Variants in OTX1 observed in about 807,000 individuals in gnomAD.
The protein encoded by OTX1 is homeobox protein OTX1.
In OTX1, 7 loss-of-function variants were observed where a neutral mutation model predicts 26.7. That is an observed-to-expected ratio of 0.26 (90% CI 0.15 to 0.49). The LOEUF (loss-of-function observed/expected upper bound fraction) is 0.49, where lower values mean the gene tolerates loss of function less well. OTX1 is among the 20% of genes least tolerant of loss of function. The pLI is 0.98. For missense variants in OTX1, 414 were observed against 483.8 expected (o/e 0.86, Z 1.35); for synonymous variants, 216 against 212.8 (o/e 1.01, Z -0.13).
chr2:63,055,481 C>T lies in OTX1; in HGVS notation c.250-20C>T, dbSNP rs755773986. On this transcript the variant is annotated intron_variant, in intron 4 of 4. Transcript: ENST00000282549. The surrounding 1 kb of genome is among the most constrained non-coding windows in gnomAD (Gnocchi z 5.2). ...CCCTAGCTCCCTTTGACCCACTCTC[C>T]CCCATCCGGCCCACTGCAGGTCTGG... The T allele has an allele frequency of 6.2e-7, 1 of 1,604,002 alleles. No individual in the cohort carries two copies. Among genetic ancestry groups the T allele is most frequent in the Admixed American group, 1.7e-5 (1 of 59,526 alleles).
chr2:63,055,495 C>T lies in OTX1; in HGVS notation c.250-6C>T, dbSNP rs779576981. 5.6e-6 allele frequency: 9 copies of T among 1,611,382 alleles called. No homozygotes were observed. In the African/African-American group the frequency reaches 1.2e-4, roughly 22 times the overall value. ...GACCCACTCTCCCCCATCCGGCCCACTGCAGGTCTGGTTCAAGAACCGCCG... is the reference window on the plus strand; with the variant it reads ...GACCCACTCTCCCCCATCCGGCCCATTGCAGGTCTGGTTCAAGAACCGCCG... On this transcript the variant is annotated splice_polypyrimidine_tract_variant and splice_region_variant and intron_variant, in intron 4 of 4. Coordinates refer to ENST00000282549, the MANE Select transcript of OTX1 (RefSeq NM_014562.4). The surrounding 1 kb of genome is among the most constrained non-coding windows in gnomAD (Gnocchi z 5.2).
Position 63,056,379 on chromosome 2 carries a change from T to C in OTX1, c.*63T>C. On this transcript the variant is annotated 3_prime_UTR_variant, in exon 5 of 5. Coordinates refer to ENST00000282549, the MANE Select transcript of OTX1 (RefSeq NM_014562.4). Reference sequence around the variant, plus strand: ...GCGCCCTCCGTGGTCCCGATCCTGTTGCTGCTGCTGCACCGCCCGCCTTTG... The same window carrying C: ...GCGCCCTCCGTGGTCCCGATCCTGTCGCTGCTGCTGCACCGCCCGCCTTTG... 10 of 1,397,176 alleles carry C rather than the reference T, an allele frequency of 7.2e-6. No homozygotes were observed. The highest frequency in any genetic ancestry group is 9.9e-6 in the Non-Finnish European group (10 of 1,009,226). 86.5% of individuals were successfully genotyped at this position (1,397,176 alleles called of 1,614,324 possible).
chr2:63,056,203 G>T lies in OTX1; in HGVS notation c.952G>T (p.Asp318Tyr). 6.2e-7 allele frequency: 1 copy of T among 1,614,044 alleles called. No individual in the cohort carries two copies. Among genetic ancestry groups the T allele is most frequent in the Non-Finnish European group, 8.5e-7 (1 of 1,180,014 alleles). Residue 318 changes from aspartate to tyrosine, a missense_variant, in exon 5 of 5, where the codon GAT becomes TAT. Around this residue, in one of 3 missense-constraint regions of OTX1, gnomAD observed 320 missense variants for 347.9 expected, o/e 0.92. Transcript: ENST00000282549. ...TGCCTTCAACTCTGCCGACTGCTTG[G>T]ATTACAAGGAGCCTGGCGCCGCTGC... ...GLAFNSADCL[D>Y]YKEPGAAAAS...
At chr2:63,050,721 C>T (rs926037191), upstream of OTX1, 3 of 152,112 alleles carry the variant, frequency 2.0e-5, no homozygotes, top group Admixed American at 1.3e-4. Flanking sequence ...CTCGCGCAGC[C>T]ATTGCCCGGC....
rs1037646662 is a variant in OTX1, at chr2:63,055,406, G to C, written c.250-95G>C. The C allele has an allele frequency of 6.0e-6, 8 of 1,336,990 alleles. No individual in the cohort carries two copies. In the African/African-American group the frequency reaches 7.3e-5, roughly 12 times the overall value. The allele number at this position is 1,336,990 out of a possible 1,614,324, so 82.8% of individuals were successfully genotyped here. A position where few individuals can be genotyped will look rare whatever the true frequency, so the allele number is the denominator to read the frequency against. Reference sequence around the variant, plus strand: ...GGAGGCCTCGGTGAGAAAGGATTGCGATATTCTGGACCGGGAGTTGGGTCC... The same window carrying C: ...GGAGGCCTCGGTGAGAAAGGATTGCCATATTCTGGACCGGGAGTTGGGTCC... On this transcript the variant is annotated intron_variant, in intron 4 of 4. Transcript: ENST00000282549. This position sits in a 1 kb window ranked among gnomAD's most constrained non-coding sequence, Gnocchi z 5.2.
rs2062047325 is a variant in OTX1, at chr2:63,054,165, G to A, written c.216G>A (p.Ala72=). ...YPDIFMREEV[A]LKINLPESRV... is the part of the protein sequence containing the mutation. ...ACATCTTCATGCGGGAGGAGGTGGC[G>A]CTCAAGATCAACCTGCCGGAGTCTA... is the stretch of plus-strand genomic sequence containing the variant. Residue 72 remains alanine (A), a synonymous_variant, in exon 4 of 5, where the codon GCG becomes GCA. Coordinates refer to ENST00000282549, the MANE Select transcript of OTX1 (RefSeq NM_014562.4). 1.2e-6 allele frequency: 2 copies of A among 1,608,162 alleles called. No individual in the cohort carries two copies. Among genetic ancestry groups the A allele is most frequent in the African/African-American group, 2.7e-5 (2 of 74,774 alleles).
In OTX1 at chr2:63,056,275, G is replaced by C; in HGVS notation, c.1024G>C (p.Asp342His). The C allele has an allele frequency of 6.2e-7, 1 of 1,614,072 alleles. No individual in the cohort carries two copies. ...CAACTTCAACTCCCCCGACTGTCTG[G>C]ACTATAAGGACCAAGCCTCATGGCG... Reference protein sequence around the residue: ...KLNFNSPDCLDYKDQASWRFQ... With the variant: ...KLNFNSPDCLHYKDQASWRFQ... Residue 342 changes from aspartate to histidine, a missense_variant, in exon 5 of 5, where the codon GAC (aspartate) becomes CAC (histidine). Asp to His is a moderately conservative substitution (Grantham distance 81, BLOSUM62 -1). Transcript: ENST00000282549.
chr2:63,053,881 A>T, intron 3 of OTX1, 166 bp from the exon 4 acceptor site: 1 of 688,610 alleles, frequency 1.5e-6, no homozygotes, highest in Non-Finnish European at 2.4e-6. Context: ...ACTTTCTCCC[A>T]CCTGTGGCCT....
At position 63,053,044 on chromosome 2, in the gene OTX1, C is replaced by A. The variant is rs1328824942; in HGVS notation, c.54C>A (p.Ala18=). Residue 18 remains alanine (A), a synonymous_variant, in exon 3 of 5, where the codon GCC becomes GCA. Coordinates refer to ENST00000282549, the MANE Select transcript of OTX1 (RefSeq NM_014562.4). ...PPYGMNGLGL[A]GPAMDLLHPS... ...ACGGCATGAACGGGCTGGGCCTGGC[C>A]GGGCCCGCCATGGACCTCCTGCACC... is the stretch of plus-strand genomic sequence containing the variant. The A allele has an allele frequency of 1.2e-6, 2 of 1,605,180 alleles. No individual in the cohort carries two copies. The highest frequency in any genetic ancestry group is 4.6e-5 in the East Asian group (2 of 43,788).
upstream of OTX1, chr2:63,050,641 G>T (rs1347302476): frequency 6.6e-6 from 1 of 151,636 alleles, no homozygotes; most frequent in African/African-American, 2.4e-5. Context: ...GACCGGGGCG[G>T]GGCGGGAGGG....
At chr2:63,052,775 C>T in intron 2 of OTX1, 105 bp from the exon 3 acceptor site, 2 of 521,948 alleles carry the variant, frequency 3.8e-6, no homozygotes, top group South Asian at 5.0e-5. Flanking sequence ...CCCAGTTGAC[C>T]ACCCTGCGCA....
intron 3 of OTX1, chr2:63,053,819 A>C: frequency 1.8e-6 from 1 of 563,854 alleles, no homozygotes; most frequent in Non-Finnish European, 3.2e-6. Context: ...AGAGGCATAG[A>C]GAGGGGCAGC....
At position 63,055,567 on chromosome 2, in the gene OTX1, CGCCCA is replaced by C. The variant is rs2062057667; in HGVS notation, c.320_324del (p.Pro107GlnfsTer32). The C allele has an allele frequency of 6.2e-7, 1 of 1,614,026 alleles. No individual in the cohort carries two copies. The highest frequency in any genetic ancestry group is 8.5e-7 in the Non-Finnish European group (1 of 1,180,042). On this transcript the variant is annotated frameshift_variant, in exon 5 of 5. Coordinates refer to ENST00000282549, the MANE Select transcript of OTX1 (RefSeq NM_014562.4). LOFTEE classifies it high-confidence loss of function. The surrounding 1 kb of genome is among the most constrained non-coding windows in gnomAD (Gnocchi z 5.2). ...GCAGAGCGGGAGCGGAACCAAGAGC[CGCCCA>C]GCCAAGAAGAAGTCCTCTCCAGTGC...
At position 63,055,666 on chromosome 2, in the gene OTX1, T is replaced by C. The variant is rs1161463613; in HGVS notation, c.415T>C (p.Ser139Pro). The C allele has an allele frequency of 6.2e-7, 1 of 1,614,026 alleles. No individual in the cohort carries two copies. Residue 139 changes from serine (S) to proline (P), a missense_variant, in exon 5 of 5, where the codon TCT becomes CCT. This residue lies in a region of OTX1 where 320 missense variants were observed against 347.9 expected (regional missense o/e 0.92). Transcript: ENST00000282549. This position sits in a 1 kb window ranked among gnomAD's most constrained non-coding sequence, Gnocchi z 5.2. Reference sequence around the variant, plus strand: ...AGCTGTGTCCAGCTCTGCCTCGTCCTCTAGCTCGGCGTCCAGCTCTTCCGC... The same window carrying C: ...AGCTGTGTCCAGCTCTGCCTCGTCCCCTAGCTCGGCGTCCAGCTCTTCCGC... ...PPAVSSSASSSSSASSSSANP... is the reference protein window; with the variant it reads ...PPAVSSSASSPSSASSSSANP...
At chr2:63,053,245 G>C (rs908519935) in intron 3 of OTX1, 158 bp downstream of exon 3, 29 of 535,996 alleles carry the variant, frequency 5.4e-5, no homozygotes, top group Non-Finnish European at 9.7e-6. Flanking sequence ...CACTGCCGGC[G>C]CATGGGGCAG....
Position 63,054,067 on chromosome 2 carries a change from C to G in OTX1, c.118C>G (p.Arg40Gly), listed in dbSNP as rs1348044453. 2 of 1,607,994 alleles carry G rather than the reference C, an allele frequency of 1.2e-6. No homozygotes were observed. Among genetic ancestry groups the G allele is most frequent in the Non-Finnish European group, 1.7e-6 (2 of 1,177,844 alleles). ...GYPATPRKQR[R>G]ERTTFTRSQL... ...CGCAGCCACTCCGCGGAAGCAGCGGCGGGAGCGCACCACCTTCACGCGTTC... is the reference window on the plus strand; with the variant it reads ...CGCAGCCACTCCGCGGAAGCAGCGGGGGGAGCGCACCACCTTCACGCGTTC... The change falls in exon 4 of 5, where the codon CGG becomes GGG. Residue 40 changes from arginine (R) to glycine (G), a missense_variant. Around this residue, in one of 3 missense-constraint regions of OTX1, gnomAD observed 46 missense variants for 94.3 expected, o/e 0.49. Transcript: ENST00000282549.
At chr2:63,053,870 C>T in intron 3 of OTX1, 177 bp from the exon 4 acceptor site, 1 of 639,056 alleles carries the variant, frequency 1.6e-6, no homozygotes, top group East Asian at 3.0e-5. Context: ...CGCACATCTG[C>T]ACTTTCTCCC....
At chr2:63,050,421 C>A (rs1214122628), upstream of OTX1, among the ~76,000 whole-genome samples, 1 of 152,152 alleles carries the variant, frequency 6.6e-6, no homozygotes, top group Non-Finnish European at 1.5e-5. Flanking sequence ...AGCCCTGTAG[C>A]GCGCGGGAGA....
Position 63,056,043 on chromosome 2 carries a change from C to G in OTX1, c.792C>G (p.Leu264=), listed in dbSNP as rs17850223. 210,064 of 1,613,932 alleles carry G rather than the reference C, an allele frequency of 0.13. 15,286 individuals carry two copies. The highest frequency in any genetic ancestry group is 0.24 in the Admixed American group (14,310 of 60,000). ...PMHSHHHPHQ[L]SPMAPSSMAG... is the part of the protein sequence containing the mutation. The stretch of plus-strand genomic sequence containing the variant: ...ACTCACATCACCACCCGCACCAGCT[C>G]AGCCCCATGGCACCCTCCTCCATGG... The change falls in exon 5 of 5, where the codon CTC becomes CTG. Residue 264 remains leucine, a synonymous_variant. Transcript: ENST00000282549.
Sources: allele counts gnomAD v4.1 joint callset (sites outside exome capture counted in the v4.1 genomes callset), GRCh38; gene constraint gnomAD v4.1.1; regional missense constraint gnomAD v4.1.1; non-coding constraint Gnocchi (gnomAD v3.1); transcripts MANE v1.5; gene names NCBI Gene and HGNC (gene_info 2026-07-23, HGNC 2026-07-21).